Variants in RINT1 observed in about 807,000 individuals in gnomAD.
RINT1 encodes the protein RAD50 interactor 1, also known as RAD50-interacting protein 1.
In RINT1, 75 loss-of-function variants were observed where a neutral mutation model predicts 97.7. The observed-to-expected ratio is 0.77, with a 90% CI of 0.64 to 0.93. The LOEUF (loss-of-function observed/expected upper bound fraction) is 0.93. Ranked by LOEUF, RINT1 falls within the 40% of genes least tolerant of loss-of-function variation. The pLI is 0.00. For synonymous variants in RINT1, 303 were observed against 326.3 expected, an observed-to-expected ratio of 0.93 and a Z score of 0.77; for missense variants, 892 against 925.2, an observed-to-expected ratio of 0.96 and a Z score of 0.47.
chr7:105,539,823 C>T (rs1289014465), intron 3 of RINT1, among the ~76,000 whole-genome samples: 2 of 152,134 alleles, frequency 1.3e-5, no homozygotes, highest in Admixed American at 6.6e-5. Context: ...TAAATATAGC[C>T]TGTCTATTTT....
rs1478237165 is a variant in RINT1 at position 105,563,730 on chromosome 7, C to T, written c.1672-3C>T. The stretch of plus-strand genomic sequence containing the variant: ...TAATGTGTTAACATGTTTTTGCTTT[C>T]AGTTCTTTCTACAACTTCAACAGGC... On this transcript the variant is annotated splice_region_variant and splice_polypyrimidine_tract_variant and intron_variant, in intron 11 of 14. Transcript: ENST00000257700. 5 of 1,606,080 alleles carry T rather than the reference C, an allele frequency of 3.1e-6. No individual in the cohort carries two copies. The highest frequency in any genetic ancestry group is 3.4e-5 in the Admixed American group (2 of 58,224).
chr7:105,563,389 C>G (rs1235915152), intron 11 of RINT1, among the ~76,000 whole-genome samples: 1 of 152,142 alleles, frequency 6.6e-6, no homozygotes, highest in Non-Finnish European at 1.5e-5. Context: ...GAGATGGAGT[C>G]TCACTTTGTC....
intron 4 of RINT1, among the ~76,000 whole-genome samples, chr7:105,546,592 G>A (rs12112589): frequency 0.047 from 7,211 of 152,092 alleles, 458 homozygotes; most frequent in African/African-American, 0.15. Context: ...ATTTGCTTTC[G>A]GCTGGGCACG....
In RINT1 at chr7:105,532,285, G is replaced by T. The variant is rs962979327; in HGVS notation, c.-31G>T. 3.2e-6 allele frequency: 5 copies of T among 1,563,028 alleles called. No homozygotes were observed. The Admixed American group carries it at 5.6e-5, about 18-fold the overall frequency. ...AGACTCCACAGGCCACGCTGGCTGC[G>T]AATGGAGCCGAGGACTCGCGCGGAG... On this transcript the variant is annotated 5_prime_UTR_variant, in exon 1 of 15. Transcript: ENST00000257700.
At chr7:105,545,335 C>G (rs1417566113) in intron 4 of RINT1, among the ~76,000 whole-genome samples, 1 of 150,990 alleles carries the variant, frequency 6.6e-6, no homozygotes, top group Admixed American at 6.6e-5. Context: ...ACCCATAGTC[C>G]CAGCTACTCG....
chr7:105,553,887 ATTTTTT>A (rs776924728), intron 10 of RINT1, among the ~76,000 whole-genome samples: 29 of 71,144 alleles, frequency 4.1e-4, no homozygotes, highest in African/African-American at 1.1e-3. Flanking sequence ...TACCCAGCTA[ATTTTTT>A]TTTTTTTTTT....
In RINT1 at chr7:105,540,018, T is replaced by C. The variant is rs74511499; in HGVS notation, c.274-2390T>C. ...ATGTTCTTTGTATTTTGCTGATGAC[T>C]AATATTTGTATATGTTTTCCCACAT... On this transcript the variant is annotated intron_variant, in intron 3 of 14. Coordinates refer to ENST00000257700, the MANE Select transcript of RINT1 (RefSeq NM_021930.6). Among the ~76,000 whole-genome samples the C allele has an allele frequency of 3.9e-3, 590 of 152,270 alleles. 6 individuals are homozygous for C. Among genetic ancestry groups the C allele is most frequent in the African/African-American group, 0.014 (564 of 41,574 alleles).
Position 105,567,181 on chromosome 7 carries a change from T to C in RINT1, c.2249T>C (p.Val750Ala). The part of the protein sequence containing the change: ...NVGSALLLKD[V>A]LQSASGQLPA... ...GGTTCTGCACTACTGCTGAAAGATG[T>C]ACTGCAGTCAGCTTCAGGGCAGCTT... The change falls in exon 15 of 15, where the codon GTA becomes GCA. Residue 750 changes from valine to alanine, a missense_variant. Transcript: ENST00000257700. 1 of 1,610,990 alleles carries C rather than the reference T, an allele frequency of 6.2e-7. No individual in the cohort carries two copies. The highest frequency in any genetic ancestry group is 1.3e-5 in the African/African-American group (1 of 74,848).
In RINT1 at chr7:105,550,361, A is replaced by G. The variant is rs747055027; in HGVS notation, c.1208A>G (p.Asp403Gly). 5 of 1,614,010 alleles carry G rather than the reference A, an allele frequency of 3.1e-6. No individual in the cohort carries two copies. The highest frequency in any genetic ancestry group is 4.2e-6 in the Non-Finnish European group (5 of 1,179,960). The change falls in exon 9 of 15, where the codon GAT (aspartate) becomes GGT (glycine). Residue 403 changes from aspartate (D) to glycine (G), a missense_variant. By Grantham distance (94) the Asp-to-Gly change is moderately conservative. Transcript: ENST00000257700. ...GACAATCTCTTCTGTCATTTGGTGG[A>G]TGAAGTACTCTTGTTTGAAAGGGAG... is the stretch of plus-strand genomic sequence containing the variant. ...YDDNLFCHLV[D>G]EVLLFERELH...
At position 105,542,445 on chromosome 7, in the gene RINT1, G is replaced by A. The variant is rs866948739; in HGVS notation, c.311G>A (p.Arg104Gln). Residue 104 changes from arginine (R) to glutamine (Q), a missense_variant, in exon 4 of 15, where the codon CGA becomes CAA. Arg to Gln is a conservative substitution (Grantham distance 43). Transcript: ENST00000257700. ...TISSEIPKRI[R>Q]SALKNAEESK... ...TCATCAGAAATTCCTAAAAGAATTCGAAGTGCCTTAAAAAATGCAGAAGAA... is the reference window on the plus strand; with the variant it reads ...TCATCAGAAATTCCTAAAAGAATTCAAAGTGCCTTAAAAAATGCAGAAGAA... The A allele has an allele frequency of 1.4e-5, 23 of 1,611,784 alleles. No individual in the cohort carries two copies. The highest frequency in any genetic ancestry group is 1.7e-4 in the Middle Eastern group (1 of 6,060).
At chr7:105,550,970 G>A (rs1790900614) in intron 9 of RINT1, among the ~76,000 whole-genome samples, 1 of 152,122 alleles carries the variant, frequency 6.6e-6, no homozygotes, top group South Asian at 2.1e-4. Context: ...GGCCAGGCTG[G>A]TCTGGAACTC....
Position 105,536,756 on chromosome 7 carries a change from A to G in RINT1, c.273+7A>G, listed in dbSNP as rs756057145. On this transcript the variant is annotated splice_region_variant and intron_variant, in intron 3 of 14. Transcript: ENST00000257700. ...AATGCAGTTAGAAGAACAGGTAAGTATTGAAACTCACTGAAATAATTATCA... is the reference window on the plus strand; with the variant it reads ...AATGCAGTTAGAAGAACAGGTAAGTGTTGAAACTCACTGAAATAATTATCA... 1.5e-5 allele frequency: 23 copies of G among 1,533,104 alleles called. No individual in the cohort carries two copies. Among genetic ancestry groups the G allele is most frequent in the Non-Finnish European group, 1.9e-5 (22 of 1,132,842 alleles). 95.0% of individuals were successfully genotyped at this position (1,533,104 alleles called of 1,614,324 possible).
chr7:105,546,855 A>G, intron 4 of RINT1, 55 bp from the exon 5 acceptor site: 2 of 1,353,516 alleles, frequency 1.5e-6, no homozygotes, highest in Non-Finnish European at 2.0e-6. Context: ...AACCTGGGCA[A>G]CAGAGTGAGA....
intron 11 of RINT1, 58 bp from the exon 12 acceptor site, chr7:105,563,675 C>A: frequency 3.6e-6 from 5 of 1,375,872 alleles, no homozygotes; most frequent in Middle Eastern, 1.8e-4. Context: ...CATATGAATT[C>A]TATTTCAAAC....
At position 105,567,363 on chromosome 7, in the gene RINT1, C is replaced by A; in HGVS notation, c.*52C>A. ...TTTTTGTTTCTAAGAAAGAGGAAGC[C>A]AATTGGATTTCAAGTTATATGATGA... is the stretch of plus-strand genomic sequence containing the variant. On this transcript the variant is annotated 3_prime_UTR_variant, in exon 15 of 15. Coordinates refer to ENST00000257700, the MANE Select transcript of RINT1 (RefSeq NM_021930.6). The A allele has an allele frequency of 1.6e-6, 2 of 1,241,844 alleles. No homozygotes were observed. Among genetic ancestry groups the A allele is most frequent in the Non-Finnish European group, 2.3e-6 (2 of 866,960 alleles). The allele number at this position is 1,241,844 out of a possible 1,614,324, so 76.9% of individuals were successfully genotyped here. A position where few individuals can be genotyped will look rare whatever the true frequency, so the allele number is the denominator to read the frequency against.
At chr7:105,544,693 C>T (rs1228669528) in intron 4 of RINT1, among the ~76,000 whole-genome samples, 1 of 152,144 alleles carries the variant, frequency 6.6e-6, no homozygotes, top group African/African-American at 2.4e-5. Context: ...CCTTGGCCTC[C>T]CAAAGTGCTG....
intron 6 of RINT1, among the ~76,000 whole-genome samples, 167 bp from the exon 7 acceptor site, chr7:105,548,385 CTG>C (rs1403757318): frequency 2.6e-5 from 4 of 152,104 alleles, no homozygotes; most frequent in South Asian, 2.1e-4. Flanking sequence ...AAAGAATTAA[CTG>C]TATGTTTATT....
In RINT1 at chr7:105,555,407, AT is replaced by A. The variant is rs1791138631; in HGVS notation, c.1671+181del. On this transcript the variant is annotated intron_variant, in intron 11 of 14. Transcript: ENST00000257700. ...TCTCAATCAAATCTCAAGTAGTTAA[AT>A]AGTCCTGATATTTTAATGTATTTAA... The A allele has an allele frequency of 6.2e-6, 3 of 480,790 alleles. No homozygotes were observed. In the East Asian group the frequency reaches 9.8e-5, roughly 16 times the overall value. 29.8% of individuals were successfully genotyped at this position (480,790 alleles called of 1,614,324 possible).
At chr7:105,563,106 G>A (rs1240664662) in intron 11 of RINT1, among the ~76,000 whole-genome samples, 1 of 152,102 alleles carries the variant, frequency 6.6e-6, no homozygotes, top group East Asian at 1.9e-4. Flanking sequence ...AATATGATAC[G>A]TGTTACAATA....
Sources: gnomAD v4.1 joint callset for allele counts (sites outside exome capture counted in the v4.1 genomes callset) on GRCh38, gnomAD v4.1.1 for gene constraint, MANE v1.5 for transcripts, NCBI Gene and HGNC (gene_info 2026-07-23, HGNC 2026-07-21) for gene names.